EXOC6B: variants seen among roughly 807,000 people sequenced by gnomAD.
The protein encoded by EXOC6B is exocyst complex component 6B, also known as SEC15 homolog B.
Under a neutral mutation model 113.5 loss-of-function variants are expected in EXOC6B, and 54 were observed. The ratio of observed to expected loss-of-function variants is 0.48; its 90% confidence interval spans 0.38 to 0.60. The LOEUF (loss-of-function observed/expected upper bound fraction) is 0.60. EXOC6B is among the 20% of genes least tolerant of loss of function. The pLI is 0.00. For missense variants in EXOC6B, 797 were observed against 977.5 expected (o/e 0.82, Z 2.46); for synonymous variants, 357 against 339.0 (o/e 1.05, Z -0.58).
intron 6 of EXOC6B, among the ~76,000 whole-genome samples, chr2:72,636,365 GAAGGAAGC>G (rs768811307): frequency 0.12 from 14,331 of 121,398 alleles, 1,299 homozygotes; most frequent in African/African-American, 0.22. Flanking sequence ...AGGAAGGAAG[GAAGGAAGC>G]AAGGAAGCAA....
intron 18 of EXOC6B, among the ~76,000 whole-genome samples, chr2:72,387,283 G>C (rs1214627403): frequency 6.6e-6 from 1 of 152,084 alleles, no homozygotes; most frequent in Non-Finnish European, 1.5e-5. Context: ...CAGGATATTA[G>C]TCTACAGTGT....
chr2:72,264,192 T>C (rs1359450316), intron 20 of EXOC6B, among the ~76,000 whole-genome samples: 2 of 152,170 alleles, frequency 1.3e-5, no homozygotes, highest in Non-Finnish European at 2.9e-5. Context: ...ATGAGAACAA[T>C]GTTAAAGACA....
intron 6 of EXOC6B, among the ~76,000 whole-genome samples, chr2:72,597,670 T>G (rs1670160101): frequency 6.6e-6 from 1 of 151,616 alleles, no homozygotes; most frequent in South Asian, 2.1e-4. Flanking sequence ...AAAGAAAGAC[T>G]CAGCTATATG....
At chr2:72,330,742 G>C (rs1018448064) in intron 20 of EXOC6B, among the ~76,000 whole-genome samples, 5 of 152,000 alleles carry the variant, frequency 3.3e-5, no homozygotes, top group African/African-American at 1.2e-4. Flanking sequence ...CCTGTTTCTT[G>C]AATTTGGACT....
intron 8 of EXOC6B, among the ~76,000 whole-genome samples, chr2:72,538,251 C>T (rs1430034355): frequency 6.6e-6 from 1 of 152,128 alleles, no homozygotes; most frequent in Non-Finnish European, 1.5e-5. Context: ...GTGTGAGCCA[C>T]TGCCCAAGAA....
intron 18 of EXOC6B, among the ~76,000 whole-genome samples, chr2:72,409,302 A>T (rs1490993428): frequency 6.6e-6 from 1 of 152,252 alleles, no homozygotes; most frequent in East Asian, 1.9e-4. Context: ...TGTGGCAGTC[A>T]GTGTGGCAAT....
intron 6 of EXOC6B, among the ~76,000 whole-genome samples, chr2:72,708,471 A>C (rs1679037259): frequency 6.6e-6 from 1 of 152,192 alleles, no homozygotes; most frequent in African/African-American, 2.4e-5. Context: ...TCAAGATACT[A>C]AACAGTTGCA....
intron 8 of EXOC6B, among the ~76,000 whole-genome samples, chr2:72,533,002 C>T (rs1702094972): frequency 6.6e-6 from 1 of 152,054 alleles, no homozygotes; most frequent in African/African-American, 2.4e-5. Context: ...TAAAATTATT[C>T]CTAAATTTCA....
chr2:72,487,005 A>T (rs899627716), intron 16 of EXOC6B, among the ~76,000 whole-genome samples: 3 of 151,814 alleles, frequency 2.0e-5, no homozygotes, highest in East Asian at 3.9e-4. Flanking sequence ...CCATTCTTTA[A>T]TTTTTTTATT....
At chr2:72,260,631 G>A (rs1474580974) in intron 20 of EXOC6B, among the ~76,000 whole-genome samples, 1 of 152,158 alleles carries the variant, frequency 6.6e-6, no homozygotes, top group Admixed American at 6.5e-5. Flanking sequence ...AAGGGGAGTG[G>A]GGGAGTAAAA....
intron 6 of EXOC6B, among the ~76,000 whole-genome samples, chr2:72,672,954 A>T (rs1676008841): frequency 6.6e-6 from 1 of 152,228 alleles, no homozygotes; most frequent in Non-Finnish European, 1.5e-5. Context: ...TGTTCCTAGC[A>T]TAAAGAAAAG....
chr2:72,215,292 T>C (rs1367230944), intron 20 of EXOC6B, among the ~76,000 whole-genome samples: 1 of 152,192 alleles, frequency 6.6e-6, no homozygotes, highest in Non-Finnish European at 1.5e-5. Context: ...GGGATTGCCC[T>C]GGACCAGGCA....
At chr2:72,417,815 A>G (rs1281336863) in intron 18 of EXOC6B, among the ~76,000 whole-genome samples, 2 of 152,090 alleles carry the variant, frequency 1.3e-5, no homozygotes, top group African/African-American at 2.4e-5. Flanking sequence ...TAATGTTTAT[A>G]TCGCAATATT....
intron 1 of EXOC6B, among the ~76,000 whole-genome samples, chr2:72,814,745 A>T (rs1269811722): frequency 6.6e-6 from 1 of 152,056 alleles, no homozygotes; most frequent in Non-Finnish European, 1.5e-5. Context: ...TAATCCCAGC[A>T]CTTTGGGAGG....
intron 20 of EXOC6B, among the ~76,000 whole-genome samples, chr2:72,327,457 AG>A (rs1224271270): frequency 6.6e-6 from 1 of 152,116 alleles, no homozygotes; most frequent in Non-Finnish European, 1.5e-5. Flanking sequence ...GGGGACTTTT[AG>A]GAAGTTAGAC....
intron 6 of EXOC6B, among the ~76,000 whole-genome samples, chr2:72,689,898 T>G (rs1009379733): frequency 3.3e-5 from 5 of 152,226 alleles, no homozygotes; most frequent in African/African-American, 1.2e-4. Flanking sequence ...GCTAAGCTTC[T>G]CATTCCAGCT....
rs191661965 is a variant in EXOC6B, at chr2:72,216,489, T to A, written c.2197-32302A>T. Among the ~76,000 whole-genome samples the A allele has an allele frequency of 3.1e-3, 474 of 152,334 alleles. 3 individuals carry two copies. Among genetic ancestry groups the A allele is most frequent in the African/African-American group, 0.011 (448 of 41,576 alleles). On this transcript the variant is annotated intron_variant, in intron 20 of 21. Transcript: ENST00000272427. ...TTAGTTCAACCATTGTGGAAGACAG[T>A]GTGACCATTCGTTAAGGATCTAGAA...
intron 20 of EXOC6B, among the ~76,000 whole-genome samples, chr2:72,309,744 C>T (rs1007957063): frequency 2.6e-5 from 4 of 152,124 alleles, no homozygotes; most frequent in African/African-American, 9.7e-5. Context: ...ACCACCATTA[C>T]CCATCTAGTT....
chr2:72,489,172 C>A (rs1213240254), intron 16 of EXOC6B, among the ~76,000 whole-genome samples: 1 of 152,166 alleles, frequency 6.6e-6, no homozygotes, highest in African/African-American at 2.4e-5. Flanking sequence ...AACCCAGGTG[C>A]TTTTTCTTCT....
Sources: gnomAD v4.1 joint callset for allele counts (sites outside exome capture counted in the v4.1 genomes callset) on GRCh38, gnomAD v4.1.1 for gene constraint, MANE v1.5 for transcripts, NCBI Gene and HGNC (gene_info 2026-07-23, HGNC 2026-07-21) for gene names.